Variants in HIPK3 observed in about 807,000 individuals in gnomAD.
HIPK3 encodes the protein homeodomain interacting protein kinase 3, also known as homeodomain-interacting protein kinase 3.
HIPK3 carries 47 observed loss-of-function variants against 124.2 expected under a neutral mutation model. The observed-to-expected ratio is 0.38, with a 90% CI of 0.30 to 0.48. The LOEUF is 0.48. HIPK3 is among the 20% of genes least tolerant of loss of function. The pLI, the probability that HIPK3 is intolerant of heterozygous loss-of-function variation, is 0.98. For synonymous variants in HIPK3, 482 were observed against 515.2 expected, an observed-to-expected ratio of 0.94 and a Z score of 0.87; for missense variants, 1,286 against 1,454.3, an observed-to-expected ratio of 0.88 and a Z score of 1.88.
At chr11:33,325,597 A>C (rs1206196639) in intron 2 of HIPK3, among the ~76,000 whole-genome samples, 6 of 152,060 alleles carry the variant, frequency 3.9e-5, no homozygotes, top group Admixed American at 3.9e-4. Flanking sequence ...TTCTGCCTAG[A>C]CTTCTGTATT....
rs1273897866 is a variant in HIPK3, at chr11:33,344,233, A to AT, written c.1897+2555dup. On this transcript the variant is annotated intron_variant, in intron 8 of 16. Coordinates refer to ENST00000303296, the MANE Select transcript of HIPK3 (RefSeq NM_005734.5). ...CAGCATGCAAGATTGCTGTTTAAAA[A>AT]TTTTTTTTAATCAGTTATTACTTGT... 2.6e-5 allele frequency among the ~76,000 whole-genome samples: 4 copies of AT among 152,106 alleles called. No individual in the cohort carries two copies. The South Asian group carries it at 6.2e-4, about 24-fold the overall frequency.
At chr11:33,327,484 C>T (rs1852844605) in intron 2 of HIPK3, among the ~76,000 whole-genome samples, 1 of 152,060 alleles carries the variant, frequency 6.6e-6, no homozygotes, top group Non-Finnish European at 1.5e-5. Flanking sequence ...TGAGTTGGAT[C>T]CTTTTGCCAA....
intron 1 of HIPK3, among the ~76,000 whole-genome samples, chr11:33,260,908 A>T (rs2133859219): frequency 6.6e-6 from 1 of 152,094 alleles, no homozygotes; most frequent in South Asian, 2.1e-4. Flanking sequence ...TTTAACTTGG[A>T]AGTTACTTCT....
chr11:33,264,606 G>A (rs1197261765), intron 1 of HIPK3, among the ~76,000 whole-genome samples: 8 of 152,156 alleles, frequency 5.3e-5, no homozygotes, highest in African/African-American at 2.4e-5. Flanking sequence ...TCTTAAGGAT[G>A]CTAGAAAATA....
At chr11:33,350,484 T>C (rs1363461079) in intron 14 of HIPK3, among the ~76,000 whole-genome samples, 3 of 147,450 alleles carry the variant, frequency 2.0e-5, no homozygotes, top group Admixed American at 1.4e-4. Context: ...CTGGACAACA[T>C]AGTGAGACCC....
intron 1 of HIPK3, among the ~76,000 whole-genome samples, chr11:33,285,721 T>G (rs753375796): frequency 1.3e-5 from 2 of 152,112 alleles, no homozygotes; most frequent in Non-Finnish European, 2.9e-5. Context: ...GTTCATACAT[T>G]TGAATTTGGT....
chr11:33,296,530 G>GA (rs1851846416), intron 2 of HIPK3, among the ~76,000 whole-genome samples: 1 of 152,184 alleles, frequency 6.6e-6, no homozygotes, highest in Non-Finnish European at 1.5e-5. Context: ...AAGGTTTGTG[G>GA]CAACCTTGTG....
intron 2 of HIPK3, among the ~76,000 whole-genome samples, chr11:33,292,899 C>T (rs1851737138): frequency 6.6e-6 from 1 of 152,146 alleles, no homozygotes; most frequent in Admixed American, 6.5e-5. Context: ...CCACGCCTGG[C>T]TAATTTGTTT....
chr11:33,262,835 A>G (rs1340201475), intron 1 of HIPK3, among the ~76,000 whole-genome samples: 2 of 150,934 alleles, frequency 1.3e-5, no homozygotes, highest in East Asian at 3.9e-4. Flanking sequence ...TTTTTCATTT[A>G]CAGACAGGGT....
intron 2 of HIPK3, among the ~76,000 whole-genome samples, chr11:33,325,899 C>T (rs993331340): frequency 2.6e-5 from 4 of 152,182 alleles, no homozygotes; most frequent in African/African-American, 4.8e-5. Flanking sequence ...TACATCCATA[C>T]ACACACTTGA....
At chr11:33,337,503 G>GC (rs1328181106) in intron 4 of HIPK3, among the ~76,000 whole-genome samples, 1 of 150,096 alleles carries the variant, frequency 6.7e-6, no homozygotes, top group Admixed American at 6.6e-5. Flanking sequence ...CTACAGGCTT[G>GC]CACCACCATG....
rs138708204 is a variant in HIPK3, at chr11:33,306,347, A to G, written c.1097+18836A>G. The stretch of plus-strand genomic sequence containing the variant: ...AAACAGGATACCATTTTCAAACAAA[A>G]TACTTAGAAAAAATAAATTCATTGA... On this transcript the variant is annotated intron_variant, in intron 2 of 16. Coordinates refer to ENST00000303296, the MANE Select transcript of HIPK3 (RefSeq NM_005734.5). Among the ~76,000 whole-genome samples, 40 of 152,306 alleles carry G rather than the reference A, an allele frequency of 2.6e-4. 1 individual carries two copies. In the East Asian group the frequency reaches 5.8e-3, roughly 22 times the overall value.
intron 4 of HIPK3, among the ~76,000 whole-genome samples, chr11:33,337,402 C>G (rs1853184812): frequency 6.6e-6 from 1 of 152,036 alleles, no homozygotes; most frequent in South Asian, 2.1e-4. Context: ...CTCGCCCAGG[C>G]TGGAGTGCAG....
At chr11:33,338,994 CTT>C in intron 5 of HIPK3, 151 bp downstream of exon 5, 1 of 516,022 alleles carries the variant, frequency 1.9e-6, no homozygotes, top group South Asian at 4.0e-5. Flanking sequence ...TATTTTCAAC[CTT>C]TCAGGAACTA....
chr11:33,303,653 T>A (rs1306333433), intron 2 of HIPK3, among the ~76,000 whole-genome samples: 3 of 152,228 alleles, frequency 2.0e-5, no homozygotes, highest in African/African-American at 7.2e-5. Context: ...TGTACCTATT[T>A]GTTCTGAGTC....
intron 2 of HIPK3, among the ~76,000 whole-genome samples, chr11:33,292,805 T>G (rs796293323): frequency 1.6e-4 from 24 of 152,272 alleles, no homozygotes; most frequent in African/African-American, 5.3e-4. Context: ...GCACAATCTC[T>G]GCTTACTGCA....
intron 8 of HIPK3, 131 bp downstream of exon 8, chr11:33,341,817 A>G (rs1853343740): frequency 1.2e-6 from 1 of 806,026 alleles, no homozygotes; most frequent in Non-Finnish European, 1.9e-6. Flanking sequence ...TAAGCTGTTC[A>G]GGCCAAGTGT....
chr11:33,348,093 C>A (rs1853552813), intron 11 of HIPK3, 73 bp from the exon 12 acceptor site: 5 of 1,601,216 alleles, frequency 3.1e-6, no homozygotes, highest in Non-Finnish European at 4.3e-6. Flanking sequence ...AAGGGTCACT[C>A]TGTTGTATTC....
At chr11:33,345,977 A>G (rs1853481097) in intron 8 of HIPK3, among the ~76,000 whole-genome samples, 1 of 152,204 alleles carries the variant, frequency 6.6e-6, no homozygotes, top group African/African-American at 2.4e-5. Flanking sequence ...ACTCAACATC[A>G]CATTTATCCC....
Sources: allele counts gnomAD v4.1 joint callset (sites outside exome capture counted in the v4.1 genomes callset), GRCh38; gene constraint gnomAD v4.1.1; transcripts MANE v1.5; gene names NCBI Gene and HGNC (gene_info 2026-07-23, HGNC 2026-07-21).